RERGL: variants seen among roughly 807,000 people sequenced by gnomAD.
The protein encoded by RERGL is ras-related and estrogen-regulated growth inhibitor-like protein.
A neutral mutation model predicts 24.7 loss-of-function variants in RERGL; 22 were observed. The observed-to-expected ratio is 0.89, with a 90% CI of 0.64 to 1.27. The LOEUF (loss-of-function observed/expected upper bound fraction) is 1.27, where lower values mean the gene tolerates loss of function less well. Among genes scored for constraint, RERGL ranks in the 50% most tolerant of loss-of-function variants. RERGL has a pLI of 0.00. For missense variants in RERGL, 259 were observed against 235.3 expected (o/e 1.10, Z -0.66); for synonymous variants, 76 against 82.6 (o/e 0.92, Z 0.43).
In RERGL at chr12:18,081,270, T is replaced by A. The variant is rs1166103124; in HGVS notation, c.536A>T (p.Glu179Val). ...TTTAGATCCACTGGGACGTCTCTTT[T>A]CTTTGAGTTTGAAGTTTATCAGGAT... ...KDILINFKLK[E>V]KRRPSGSKSM... The change falls in exon 5 of 5, where the codon GAA becomes GTA. Residue 179 changes from glutamate (E) to valine (V), a missense_variant. Physicochemically the swap from Glu to Val is moderately radical, Grantham distance 121 (BLOSUM62 -2). Transcript: ENST00000538724. 6.2e-7 allele frequency: 1 copy of A among 1,614,050 alleles called. No individual in the cohort carries two copies. Among genetic ancestry groups the A allele is most frequent in the Non-Finnish European group, 8.5e-7 (1 of 1,180,010 alleles).
chr12:18,086,860 C>CTAT (rs1947226626), intron 2 of RERGL, among the ~76,000 whole-genome samples: 1 of 152,122 alleles, frequency 6.6e-6, no homozygotes, highest in Admixed American at 6.6e-5. Context: ...GCTATCTCAA[C>CTAT]CTTAACACAC....
At chr12:18,085,356 A>G (rs1947209334) in intron 3 of RERGL, among the ~76,000 whole-genome samples, 1 of 152,230 alleles carries the variant, frequency 6.6e-6, no homozygotes, top group Admixed American at 6.5e-5. Flanking sequence ...TGATAGAAAT[A>G]TAGAAACAGC....
chr12:18,081,472 C>G lies in RERGL; in HGVS notation c.334G>C (p.Ala112Pro). 1 of 1,587,868 alleles carries G rather than the reference C, an allele frequency of 6.3e-7. No individual in the cohort carries two copies. The highest frequency in any genetic ancestry group is 1.4e-5 in the African/African-American group (1 of 73,718). Residue 112 changes from alanine (A) to proline (P), a missense_variant and splice_region_variant, in exon 5 of 5, where the codon GCT becomes CCT. Coordinates refer to ENST00000538724, the MANE Select transcript of RERGL (RefSeq NM_001286201.2). ...ACCAAAAACACTGCTGATTCCACAGCTCTGAAATAGAGATACACAATTTTT... is the reference window on the plus strand; with the variant it reads ...ACCAAAAACACTGCTGATTCCACAGGTCTGAAATAGAGATACACAATTTTT... ...REPQTSHCKR[A>P]VESAVFLVGN...
rs769360835 is a variant in RERGL at position 18,081,302 on chromosome 12, G to C, written c.504C>G (p.Ile168Met). The C allele has an allele frequency of 6.2e-7, 1 of 1,613,948 alleles. No homozygotes were observed. Among genetic ancestry groups the C allele is most frequent in the Non-Finnish European group, 8.5e-7 (1 of 1,179,980 alleles). ...GTTTGAAGTTTATCAGGATGTCCTT[G>C]ATAATTCTGATAAACATCATTTCCA... is the stretch of plus-strand genomic sequence containing the variant. The part of the protein sequence containing the change: ...LEVEMMFIRI[I>M]KDILINFKLK... Residue 168 changes from isoleucine to methionine, a missense_variant, in exon 5 of 5, where the codon ATC (isoleucine) becomes ATG (methionine). Transcript: ENST00000538724.
At chr12:18,089,679 C>T (rs1190581979) in intron 1 of RERGL, among the ~76,000 whole-genome samples, 1 of 152,068 alleles carries the variant, frequency 6.6e-6, no homozygotes, top group African/African-American at 2.4e-5. Flanking sequence ...AACCTCCAAA[C>T]ATCTCCCTAC....
chr12:18,081,449 CA>C lies in RERGL; in HGVS notation c.356del (p.Leu119TrpfsTer44). 1.2e-6 allele frequency: 2 copies of C among 1,609,168 alleles called. No homozygotes were observed. The highest frequency in any genetic ancestry group is 1.1e-5 in the South Asian group (1 of 90,742). On this transcript the variant is annotated frameshift_variant, in exon 5 of 5. Coordinates refer to ENST00000538724, the MANE Select transcript of RERGL (RefSeq NM_001286201.2). LOFTEE classifies it high-confidence loss of function. ...GACAAAGATCTCGTTTGTTGCCAAC[CA>C]AAAACACTGCTGATTCCACAGCTCT... ...CKRAVESAVF[L>X]VGNKRDLCHV... is the part of the protein sequence containing the mutation.
intron 4 of RERGL, among the ~76,000 whole-genome samples, chr12:18,082,863 T>C (rs1235832840): frequency 2.0e-5 from 3 of 152,158 alleles, no homozygotes; most frequent in African/African-American, 7.2e-5. Flanking sequence ...TAAGATAAAA[T>C]GTCTCTGAAA....
At chr12:18,089,977 A>G in intron 1 of RERGL, 112 bp downstream of exon 1, 1 of 687,386 alleles carries the variant, frequency 1.5e-6, no homozygotes, top group Non-Finnish European at 2.2e-6. Context: ...GTTATTATAG[A>G]TATATTTTCA....
chr12:18,089,525 G>T, intron 1 of RERGL: 1 of 439,136 alleles, frequency 2.3e-6, no homozygotes, highest in Non-Finnish European at 3.7e-6. Flanking sequence ...TAATGTGACC[G>T]AAACCAAAGC....
At chr12:18,082,440 C>T (rs577896166) in intron 4 of RERGL, among the ~76,000 whole-genome samples, 2 of 152,076 alleles carry the variant, frequency 1.3e-5, no homozygotes, top group East Asian at 3.9e-4. Flanking sequence ...CCATGACACA[C>T]GTTTACTTGT....
intron 1 of RERGL, among the ~76,000 whole-genome samples, chr12:18,089,686 C>A (rs973499210): frequency 1.3e-5 from 2 of 152,076 alleles, no homozygotes; most frequent in African/African-American, 4.8e-5. Flanking sequence ...AAACATCTCC[C>A]TACCCCAGTT....
chr12:18,086,218 A>G (rs1003165368), intron 2 of RERGL, among the ~76,000 whole-genome samples: 2 of 151,724 alleles, frequency 1.3e-5, no homozygotes, highest in Admixed American at 6.6e-5. Flanking sequence ...ATATTCACCT[A>G]CATACCTTTT....
At position 18,088,884 on chromosome 12, in the gene RERGL, T is replaced by C; in HGVS notation, c.109+16A>G. On this transcript the variant is annotated intron_variant, in intron 2 of 4. Coordinates refer to ENST00000538724, the MANE Select transcript of RERGL (RefSeq NM_001286201.2). Reference sequence around the variant, plus strand: ...TTAAAAGTTTTAAGGTAAAAATGTCTAGAGTAGTGACTTACCAAAATTAGA... The same window carrying C: ...TTAAAAGTTTTAAGGTAAAAATGTCCAGAGTAGTGACTTACCAAAATTAGA... 6.5e-7 allele frequency: 1 copy of C among 1,531,234 alleles called. No homozygotes were observed. Among genetic ancestry groups the C allele is most frequent in the South Asian group, 1.1e-5 (1 of 89,332 alleles). 94.9% of individuals were successfully genotyped at this position (1,531,234 alleles called of 1,614,324 possible). A position where few individuals can be genotyped will look rare whatever the true frequency, so the allele number is the denominator to read the frequency against.
At chr12:18,087,392 A>G (rs1947230570) in intron 2 of RERGL, among the ~76,000 whole-genome samples, 2 of 152,316 alleles carry the variant, frequency 1.3e-5, no homozygotes, top group South Asian at 4.1e-4. Context: ...TCTAAACTTT[A>G]TAGGTTTATT....
chr12:18,081,062 A>T lies in RERGL; in HGVS notation c.*129T>A. 1 of 831,734 alleles carries T rather than the reference A, an allele frequency of 1.2e-6. No individual in the cohort carries two copies. The highest frequency in any genetic ancestry group is 1.9e-5 in the South Asian group (1 of 51,634). The allele number at this position is 831,734 out of a possible 1,614,324, so 51.5% of individuals were successfully genotyped here. On this transcript the variant is annotated 3_prime_UTR_variant, in exon 5 of 5. Coordinates refer to ENST00000538724, the MANE Select transcript of RERGL (RefSeq NM_001286201.2). Reference sequence around the variant, plus strand: ...ATTTGAAAACACAGCTGTGGTTCATACTCAATCATTTCATATCTCCAAGAG... The same window carrying T: ...ATTTGAAAACACAGCTGTGGTTCATTCTCAATCATTTCATATCTCCAAGAG...
chr12:18,087,383 C>A (rs575106249), intron 2 of RERGL, among the ~76,000 whole-genome samples: 17 of 152,178 alleles, frequency 1.1e-4, no homozygotes, highest in Non-Finnish European at 2.1e-4. Flanking sequence ...CCAGTTTCTT[C>A]TAAACTTTAT....
intron 4 of RERGL, among the ~76,000 whole-genome samples, chr12:18,082,410 A>T (rs1947183006): frequency 6.6e-6 from 1 of 152,182 alleles, no homozygotes; most frequent in South Asian, 2.1e-4. Flanking sequence ...GGGTGATGAA[A>T]TAATCTGTAC....
intron 4 of RERGL, 40 bp downstream of exon 4, chr12:18,084,477 T>G: frequency 6.4e-7 from 1 of 1,560,418 alleles, no homozygotes; most frequent in Non-Finnish European, 8.7e-7. Flanking sequence ...ATATGATGAT[T>G]TACTAAAAAG....
chr12:18,087,659 T>C (rs1354968913), intron 2 of RERGL, among the ~76,000 whole-genome samples: 2 of 152,184 alleles, frequency 1.3e-5, no homozygotes, highest in Non-Finnish European at 2.9e-5. Context: ...GCCAGAAATA[T>C]GTAAACATTT....
Sources: gnomAD v4.1 joint callset for allele counts (sites outside exome capture counted in the v4.1 genomes callset) on GRCh38, gnomAD v4.1.1 for gene constraint, MANE v1.5 for transcripts, NCBI Gene and HGNC (gene_info 2026-07-23, HGNC 2026-07-21) for gene names.